The following KCNQ1 variants were observed in gnomAD, a reference collection of about 807,000 sequenced individuals.
KCNQ1 encodes the protein potassium voltage-gated channel subfamily KQT member 1.
In KCNQ1, 49 loss-of-function variants were observed where a neutral mutation model predicts 72.4. The observed-to-expected ratio is 0.68, with a 90% CI of 0.54 to 0.86. The LOEUF is 0.86. Among genes scored for constraint, KCNQ1 ranks in the 40% least tolerant of loss-of-function variants. The pLI is 0.00. For missense variants in KCNQ1, 790 were observed against 945.1 expected, an observed-to-expected ratio of 0.84 and a Z score of 2.15; for synonymous variants, 450 against 412.6, an observed-to-expected ratio of 1.09 and a Z score of -1.10.
At chr11:2,696,775 T>C in intron 11 of KCNQ1, 1 of 398,630 alleles carries the variant, frequency 2.5e-6, no homozygotes. Context: ...TCGTCGTCTT[T>C]GTTAATTCCT....
intron 6 of KCNQ1, among the ~76,000 whole-genome samples, chr11:2,576,285 C>T (rs1028099599): frequency 1.1e-4 from 16 of 152,216 alleles, no homozygotes; most frequent in Non-Finnish European, 2.2e-4. Context: ...GTGTCCCCTC[C>T]TGTCCCCTTC....
In KCNQ1 at chr11:2,683,781, T is replaced by C. The variant is rs1158414965; in HGVS notation, c.1514+21700T>C. On this transcript the variant is annotated intron_variant, in intron 11 of 15. Transcript: ENST00000155840. The surrounding 1 kb of genome is among the most constrained non-coding windows in gnomAD (Gnocchi z 4.7). ...GACATGGGCCTCTAAGGCTGGCTGCTCTTACTCTATACCCCAAAATCCCAG... is the reference window on the plus strand; with the variant it reads ...GACATGGGCCTCTAAGGCTGGCTGCCCTTACTCTATACCCCAAAATCCCAG... The C allele has an allele frequency of 1.5e-5, 6 of 398,506 alleles. No homozygotes were observed. Among genetic ancestry groups the C allele is most frequent in the East Asian group, 3.6e-5 (1 of 28,084 alleles). 24.7% of individuals were successfully genotyped at this position (398,506 alleles called of 1,614,324 possible). A position where few individuals can be genotyped will look rare whatever the true frequency, so the allele number is the denominator to read the frequency against.
At chr11:2,842,603 G>T (rs188970311) in intron 15 of KCNQ1, among the ~76,000 whole-genome samples, 248 of 152,334 alleles carry the variant, frequency 1.6e-3, no homozygotes, top group African/African-American at 5.7e-3. Flanking sequence ...GGTGCAGGGT[G>T]GTTCCTGCCT....
In KCNQ1 at chr11:2,848,744, C is replaced by A. The variant is rs748877199; in HGVS notation, c.*741C>A. 4.4e-6 allele frequency: 2 copies of A among 453,996 alleles called. No homozygotes were observed. The highest frequency in any genetic ancestry group is 8.8e-6 in the Non-Finnish European group (2 of 226,710). 28.1% of individuals were successfully genotyped at this position (453,996 alleles called of 1,614,324 possible). ...CTGAGCCCACTGTGCGTGGGGCTCC[C>A]GCCTCCAACCCCTCGCCCAGTCCCA... is the stretch of plus-strand genomic sequence containing the variant. On this transcript the variant is annotated 3_prime_UTR_variant, in exon 16 of 16. Coordinates refer to ENST00000155840, the MANE Select transcript of KCNQ1 (RefSeq NM_000218.3).
rs1205601198 is a variant in KCNQ1 at position 2,471,922 on chromosome 11, A to T, written c.386+26438A>T. Among the ~76,000 whole-genome samples the T allele has an allele frequency of 6.9e-6, 1 of 145,802 alleles. No homozygotes were observed. The highest frequency in any genetic ancestry group is 6.8e-5 in the Admixed American group (1 of 14,800). On this transcript the variant is annotated intron_variant, in intron 1 of 15. Transcript: ENST00000155840. The surrounding 1 kb of genome is among the most constrained non-coding windows in gnomAD (Gnocchi z 4.8). ...TGTGTATGCGTGCACCTATGTGTGT[A>T]TAGGCGTGTATGTGTGCGCGTGTGT... is the stretch of plus-strand genomic sequence containing the variant.
rs1286924517 is a variant in KCNQ1 at position 2,720,691 on chromosome 11, C to T, written c.1515-48153C>T. ...GGAAACAGCATTAGCCACCACCAGC[C>T]CCTTCCCCCTTTTGCAGGGCGGCTC... On this transcript the variant is annotated intron_variant, in intron 11 of 15. Transcript: ENST00000155840. This position sits in a 1 kb window ranked among gnomAD's most constrained non-coding sequence, Gnocchi z 5.1. Among the ~76,000 whole-genome samples the T allele has an allele frequency of 6.6e-6, 1 of 152,172 alleles. No individual in the cohort carries two copies. The highest frequency in any genetic ancestry group is 2.4e-5 in the African/African-American group (1 of 41,426).
chr11:2,641,256 A>G, intron 10 of KCNQ1: 1 of 398,488 alleles, frequency 2.5e-6, no homozygotes, highest in Non-Finnish European at 4.4e-6. Context: ...TTTCTATAGT[A>G]TTAATTTACA....
In KCNQ1 at chr11:2,595,376, T is replaced by C. The variant is rs930109391; in HGVS notation, c.1393+6522T>C. 3.3e-5 allele frequency among the ~76,000 whole-genome samples: 5 copies of C among 152,162 alleles called. No individual in the cohort carries two copies. The East Asian group carries it at 9.6e-4, about 29-fold the overall frequency. On this transcript the variant is annotated intron_variant, in intron 10 of 15. Transcript: ENST00000155840. The surrounding 1 kb of genome is among the most constrained non-coding windows in gnomAD (Gnocchi z 5.0). ...TTGAGATTTTTAAAATACAGGCGTGTCTCATTCTTATTGACTGCACTTTGC... is the reference window on the plus strand; with the variant it reads ...TTGAGATTTTTAAAATACAGGCGTGCCTCATTCTTATTGACTGCACTTTGC...
chr11:2,692,106 C>T (rs1272338265), intron 11 of KCNQ1: 2 of 398,668 alleles, frequency 5.0e-6, no homozygotes, highest in African/African-American at 4.1e-5. Context: ...TCTCCACAGC[C>T]TCCATCATTT....
rs1846324811 is a variant in KCNQ1, at chr11:2,464,549, GC to G, written c.386+19069del. Among the ~76,000 whole-genome samples the G allele has an allele frequency of 6.6e-6, 1 of 151,792 alleles. No individual in the cohort carries two copies. The highest frequency in any genetic ancestry group is 2.1e-4 in the South Asian group (1 of 4,808). ...GGTGCTAGGGTCCCATGGGCTCCTG[GC>G]CCCTGGCTGCTGCCCCCACATTGGG... On this transcript the variant is annotated intron_variant, in intron 1 of 15. Coordinates refer to ENST00000155840, the MANE Select transcript of KCNQ1 (RefSeq NM_000218.3). This position sits in a 1 kb window ranked among gnomAD's most constrained non-coding sequence, Gnocchi z 5.0.
At position 2,676,989 on chromosome 11, in the gene KCNQ1, A is replaced by G. The variant is rs1850305149; in HGVS notation, c.1514+14908A>G. 2 of 398,660 alleles carry G rather than the reference A, an allele frequency of 5.0e-6. No homozygotes were observed. Among genetic ancestry groups the G allele is most frequent in the Non-Finnish European group, 8.8e-6 (2 of 226,062 alleles). 24.7% of individuals were successfully genotyped at this position (398,660 alleles called of 1,614,324 possible). On this transcript the variant is annotated intron_variant, in intron 11 of 15. Transcript: ENST00000155840. This position sits in a 1 kb window ranked among gnomAD's most constrained non-coding sequence, Gnocchi z 4.2. ...AAATCTCCTTTTCATTAACAGCTGC[A>G]GAGTTTCATTGTGCCATGATTTATG...
chr11:2,605,223 T>C (rs1208678708), intron 10 of KCNQ1, among the ~76,000 whole-genome samples: 1 of 152,232 alleles, frequency 6.6e-6, no homozygotes, highest in African/African-American at 2.4e-5. Flanking sequence ...GCAAATATTT[T>C]CTCCCATCTG....
At position 2,600,479 on chromosome 11, in the gene KCNQ1, CACATA is replaced by C. The variant is rs1848786846; in HGVS notation, c.1393+11630_1393+11634del. On this transcript the variant is annotated intron_variant, in intron 10 of 15. Transcript: ENST00000155840. This position sits in a 1 kb window ranked among gnomAD's most constrained non-coding sequence, Gnocchi z 5.6. ...TGAACCCCTTTCTCTACATTATATT[CACATA>C]ACATGTTTTTCTGAAACATCTGTGA... Among the ~76,000 whole-genome samples, 1 of 152,222 alleles carries C rather than the reference CACATA, an allele frequency of 6.6e-6. No individual in the cohort carries two copies. Among genetic ancestry groups the C allele is most frequent in the African/African-American group, 2.4e-5 (1 of 41,460 alleles).
In KCNQ1 at chr11:2,479,094, G is replaced by A. The variant is rs916128886; in HGVS notation, c.386+33610G>A. On this transcript the variant is annotated intron_variant, in intron 1 of 15. Coordinates refer to ENST00000155840, the MANE Select transcript of KCNQ1 (RefSeq NM_000218.3). The surrounding 1 kb of genome is among the most constrained non-coding windows in gnomAD (Gnocchi z 4.6). ...AGGTGGGTTCCCATAGTCTTGAGCA[G>A]CTCTGCCCCTCTGGCTTTGCAGGGT... 3.3e-5 allele frequency among the ~76,000 whole-genome samples: 5 copies of A among 152,226 alleles called. No homozygotes were observed. The highest frequency in any genetic ancestry group is 5.9e-5 in the Non-Finnish European group (4 of 68,048).
chr11:2,726,080 C>T (rs1413156397), intron 11 of KCNQ1, among the ~76,000 whole-genome samples: 1 of 152,216 alleles, frequency 6.6e-6, no homozygotes, highest in South Asian at 2.1e-4. Flanking sequence ...CATACAGAGC[C>T]ACCTCTGCGT....
Position 2,813,234 on chromosome 11 carries a change from A to G in KCNQ1, c.1795-34533A>G, listed in dbSNP as rs1847529368. Among the ~76,000 whole-genome samples the G allele has an allele frequency of 6.6e-6, 1 of 152,148 alleles. No homozygotes were observed. Among genetic ancestry groups the G allele is most frequent in the South Asian group, 2.1e-4 (1 of 4,818 alleles). ...TGGAGGGAGTTCCATCCCAGCCCCA[A>G]GGTGCCTGGAGTAGCTTATGGAGGT... On this transcript the variant is annotated intron_variant, in intron 15 of 15. Coordinates refer to ENST00000155840, the MANE Select transcript of KCNQ1 (RefSeq NM_000218.3). This position sits in a 1 kb window ranked among gnomAD's most constrained non-coding sequence, Gnocchi z 4.4.
rs568824453 is a variant in KCNQ1, at chr11:2,848,635, C to T, written c.*632C>T. On this transcript the variant is annotated 3_prime_UTR_variant, in exon 16 of 16. Transcript: ENST00000155840. ...ACAGTCTCACCATTTCCCCAGGGCA[C>T]GTGGTTGAGTGGGGGGAACGCCCAC... 1.0e-3 allele frequency: 470 copies of T among 452,172 alleles called. 6 individuals are homozygous for T. Among genetic ancestry groups the T allele is most frequent in the South Asian group, 6.9e-3 (446 of 64,430 alleles). The allele number at this position is 452,172 out of a possible 1,614,324, so 28.0% of individuals were successfully genotyped here.
At chr11:2,618,325 A>T in intron 10 of KCNQ1, 2 of 398,606 alleles carry the variant, frequency 5.0e-6, no homozygotes, top group Non-Finnish European at 8.8e-6. Flanking sequence ...ATGCAAAAAA[A>T]TTCAATGTTT....
chr11:2,696,512 C>T, intron 11 of KCNQ1: 1 of 398,660 alleles, frequency 2.5e-6, no homozygotes, highest in Non-Finnish European at 4.4e-6. Flanking sequence ...AAGTCCTCTG[C>T]TCTCCTTTTC....
Sources: gnomAD v4.1 joint callset for allele counts (sites outside exome capture counted in the v4.1 genomes callset) on GRCh38, gnomAD v4.1.1 for gene constraint, Gnocchi (gnomAD v3.1) non-coding constraint, MANE v1.5 for transcripts, NCBI Gene and HGNC (gene_info 2026-07-23, HGNC 2026-07-21) for gene names.